Variants in DZIP3 observed in about 807,000 individuals in gnomAD.
DZIP3 encodes the protein DAZ interacting zinc finger protein 3.
A neutral mutation model predicts 162.0 loss-of-function variants in DZIP3; 118 were observed. The ratio of observed to expected loss-of-function variants is 0.73; its 90% CI spans 0.63 to 0.85. DZIP3 has a LOEUF of 0.85. Among genes scored for constraint, DZIP3 ranks in the 40% least tolerant of loss-of-function variants. DZIP3 has a pLI of 0.00. For synonymous variants in DZIP3, 438 were observed against 458.6 expected, an observed-to-expected ratio of 0.96 and a Z score of 0.57; for missense variants, 1,331 against 1,407.0, an observed-to-expected ratio of 0.95 and a Z score of 0.86.
intron 26 of DZIP3, among the ~76,000 whole-genome samples, chr3:108,683,525 C>T (rs780676697): frequency 2.0e-5 from 3 of 152,144 alleles, no homozygotes; most frequent in Admixed American, 2.0e-4. Context: ...ACTACATATC[C>T]AATAAATCTG....
chr3:108,662,064 G>A, intron 20 of DZIP3, 66 bp from the exon 21 acceptor site: 1 of 1,563,510 alleles, frequency 6.4e-7, no homozygotes, highest in Non-Finnish European at 8.6e-7. Context: ...AACTTAGTTT[G>A]CTTTTTTCTT....
intron 22 of DZIP3, 126 bp downstream of exon 22, chr3:108,669,875 A>G (rs181019421): frequency 1.3e-5 from 9 of 686,518 alleles, no homozygotes; most frequent in Middle Eastern, 2.5e-4. Context: ...GATATTGAAC[A>G]GTACTAATAA....
At chr3:108,635,428 A>G (rs1324351325) in intron 10 of DZIP3, 3 of 250,196 alleles carry the variant, frequency 1.2e-5, no homozygotes, top group Non-Finnish European at 2.3e-5. Context: ...AAAAATATAT[A>G]TGGAACTTTT....
Position 108,669,724 on chromosome 3 carries a change from C to A in DZIP3, c.2467C>A (p.Leu823Ile). The change falls in exon 22 of 33, where the codon CTT (leucine) becomes ATT (isoleucine). Residue 823 changes from leucine to isoleucine, a missense_variant. Physicochemically the swap from Leu to Ile is conservative, Grantham distance 5. Coordinates refer to ENST00000361582, the MANE Select transcript of DZIP3 (RefSeq NM_014648.4). The stretch of plus-strand genomic sequence containing the variant: ...TGCTAAAGATAATGAAATCAAGAAC[C>A]TTAAAGAGCAACTTTCTATGAAAAG... Reference protein sequence around the residue: ...IHAKDNEIKNLKEQLSMKRSQ... With the variant: ...IHAKDNEIKNIKEQLSMKRSQ... 6.2e-7 allele frequency: 1 copy of A among 1,611,256 alleles called. No homozygotes were observed. Among genetic ancestry groups the A allele is most frequent in the Non-Finnish European group, 8.5e-7 (1 of 1,178,380 alleles).
intron 2 of DZIP3, among the ~76,000 whole-genome samples, chr3:108,607,192 T>C (rs1430243773): frequency 6.6e-6 from 1 of 152,216 alleles, no homozygotes; most frequent in Non-Finnish European, 1.5e-5. Flanking sequence ...TCATCTTTTG[T>C]AGAAACTTTC....
rs187808292 is a variant in DZIP3, at chr3:108,682,404, G to C, written c.2884-1812G>C. On this transcript the variant is annotated intron_variant, in intron 26 of 32. Transcript: ENST00000361582. The stretch of plus-strand genomic sequence containing the variant: ...TCCATAAAGGTTGGATAAAGAAAAT[G>C]TATATATACACAATGAAATACTACT... Among the ~76,000 whole-genome samples the C allele has an allele frequency of 2.4e-3, 363 of 150,928 alleles. 3 individuals are homozygous for C. Among genetic ancestry groups the C allele is most frequent in the Non-Finnish European group, 2.7e-3 (186 of 67,990 alleles).
intron 2 of DZIP3, among the ~76,000 whole-genome samples, chr3:108,606,061 A>C (rs1286762401): frequency 6.6e-6 from 1 of 152,216 alleles, no homozygotes; most frequent in East Asian, 1.9e-4. Context: ...TTTATGATTT[A>C]ACAAGTGCTT....
chr3:108,611,345 G>A lies in DZIP3; in HGVS notation c.258+16G>A, dbSNP rs1166335119. On this transcript the variant is annotated intron_variant, in intron 4 of 32. Coordinates refer to ENST00000361582, the MANE Select transcript of DZIP3 (RefSeq NM_014648.4). ...AACTATGCAGGTAACGTCATAAGTTGTTATTTGGGGCAGAAGTGCAGCTGT... is the reference window on the plus strand; with the variant it reads ...AACTATGCAGGTAACGTCATAAGTTATTATTTGGGGCAGAAGTGCAGCTGT... 14 of 1,609,584 alleles carry A rather than the reference G, an allele frequency of 8.7e-6. No individual in the cohort carries two copies. Among genetic ancestry groups the A allele is most frequent in the Non-Finnish European group, 1.2e-5 (14 of 1,178,446 alleles).
intron 32 of DZIP3, among the ~76,000 whole-genome samples, chr3:108,693,006 G>A (rs924367982): frequency 6.6e-6 from 1 of 150,764 alleles, no homozygotes; most frequent in African/African-American, 2.4e-5. Context: ...TTATCTTGCT[G>A]GTGTGCCTGT....
intron 18 of DZIP3, among the ~76,000 whole-genome samples, 179 bp from the exon 19 acceptor site, chr3:108,653,966 A>G (rs570380943): frequency 1.3e-5 from 2 of 152,286 alleles, no homozygotes; most frequent in South Asian, 4.1e-4. Context: ...GCTAATATTC[A>G]TTATGAATCT....
At chr3:108,649,151 T>C (rs1942758701) in intron 17 of DZIP3, among the ~76,000 whole-genome samples, 189 bp downstream of exon 17, 1 of 151,896 alleles carries the variant, frequency 6.6e-6, no homozygotes, top group African/African-American at 2.4e-5. Context: ...CGAAATACAA[T>C]TTCATACTTC....
rs1942532786 is a variant in DZIP3 at position 108,644,443 on chromosome 3, TA to T, written c.1425del (p.Lys475AsnfsTer3). ...GACTTATGCCTCCTGTTAGCTCTTATAAAACATTTAAATGTGTTCCCTGCAC... is the reference window on the plus strand; with the variant it reads ...GACTTATGCCTCCTGTTAGCTCTTATAAACATTTAAATGTGTTCCCTGCAC... ...QFDLCLLLALIKHLNVFPAPK... is the reference protein window; with the variant it reads ...QFDLCLLLALXKHLNVFPAPK... On this transcript the variant is annotated frameshift_variant, in exon 14 of 33. Coordinates refer to ENST00000361582, the MANE Select transcript of DZIP3 (RefSeq NM_014648.4). LOFTEE classifies it high-confidence loss of function. 6.2e-7 allele frequency: 1 copy of T among 1,613,950 alleles called. No individual in the cohort carries two copies. The highest frequency in any genetic ancestry group is 8.5e-7 in the Non-Finnish European group (1 of 1,179,986).
rs868378857 is a variant in DZIP3, at chr3:108,642,450, G to T, written c.1077G>T (p.Leu359Phe). The T allele has an allele frequency of 3.4e-6, 5 of 1,481,216 alleles. No homozygotes were observed. Among genetic ancestry groups the T allele is most frequent in the East Asian group, 2.5e-5 (1 of 39,720 alleles). The allele number at this position is 1,481,216 out of a possible 1,614,324, so 91.8% of individuals were successfully genotyped here. A position where few individuals can be genotyped will look rare whatever the true frequency, so the allele number is the denominator to read the frequency against. Reference sequence around the variant, plus strand: ...TTTCCTTTTGCAGTTATAGAAAGTTGATATCTCTGAAAATAACTGATACTG... The same window carrying T: ...TTTCCTTTTGCAGTTATAGAAAGTTTATATCTCTGAAAATAACTGATACTG... ...IENLGASYRK[L>F]ISLKITDTDI... Residue 359 changes from leucine (L) to phenylalanine (F), a missense_variant, in exon 13 of 33, where the codon TTG (leucine) becomes TTT (phenylalanine). Transcript: ENST00000361582.
intron 16 of DZIP3, 129 bp downstream of exon 16, chr3:108,648,241 A>G (rs1576413417): frequency 4.9e-6 from 4 of 813,330 alleles, no homozygotes; most frequent in Non-Finnish European, 7.1e-6. Context: ...CAGAGCTTGA[A>G]TTGGAATGGT....
chr3:108,600,727 C>A (rs1273621778), intron 1 of DZIP3, among the ~76,000 whole-genome samples: 2 of 152,108 alleles, frequency 1.3e-5, no homozygotes, highest in African/African-American at 2.4e-5. Context: ...GTGCTTACTA[C>A]GTGCCAGGTA....
intron 6 of DZIP3, among the ~76,000 whole-genome samples, chr3:108,624,958 T>C (rs1941528310): frequency 6.6e-6 from 1 of 152,158 alleles, no homozygotes; most frequent in South Asian, 2.1e-4. Flanking sequence ...TTATTTTTTC[T>C]TCCCAAATCT....
rs1271881420 is a variant in DZIP3 at position 108,654,153 on chromosome 3, T to C, written c.2042T>C (p.Val681Ala). 2 of 1,613,086 alleles carry C rather than the reference T, an allele frequency of 1.2e-6. No individual in the cohort carries two copies. Among genetic ancestry groups the C allele is most frequent in the Admixed American group, 3.3e-5 (2 of 59,994 alleles). The change falls in exon 19 of 33, where the codon GTG becomes GCG. Residue 681 changes from valine to alanine, a missense_variant. Transcript: ENST00000361582. Reference protein sequence around the residue: ...KDSKEDQVPYVVEKEEQLRKE... With the variant: ...KDSKEDQVPYAVEKEEQLRKE... ...TTATGTCACGACTACAGCCCATATG[T>C]GGTAGAAAAGGAAGAGCAGTTGAGG...
At chr3:108,660,624 C>A (rs1271404344) in intron 19 of DZIP3, among the ~76,000 whole-genome samples, 1 of 152,006 alleles carries the variant, frequency 6.6e-6, no homozygotes, top group African/African-American at 2.4e-5. Context: ...CAACAAAAGC[C>A]AAAATTGACA....
intron 4 of DZIP3, among the ~76,000 whole-genome samples, chr3:108,615,377 T>C (rs1940950350): frequency 2.6e-5 from 4 of 152,186 alleles, no homozygotes; most frequent in Non-Finnish European, 5.9e-5. Flanking sequence ...TTGTTTGAGC[T>C]TGGAATGTAG....
Sources: gnomAD v4.1 joint callset for allele counts (sites outside exome capture counted in the v4.1 genomes callset) on GRCh38, gnomAD v4.1.1 for gene constraint, MANE v1.5 for transcripts, NCBI Gene and HGNC (gene_info 2026-07-23, HGNC 2026-07-21) for gene names.